Variants in AHRR observed in about 807,000 individuals in gnomAD.
The protein encoded by AHRR is ahR repressor.
Under a neutral mutation model 44.0 loss-of-function variants are expected in AHRR, and 28 were observed. That is an observed-to-expected ratio of 0.64 (90% CI 0.47 to 0.87). The LOEUF is 0.87. AHRR is among the 40% of genes least tolerant of loss of function. The probability of loss-of-function intolerance (pLI) is 0.00; values close to 1 mark genes in which losing one functional copy is unlikely to be tolerated. For synonymous variants in AHRR, 434 were observed against 407.0 expected (o/e 1.07, Z -0.80); for missense variants, 990 against 953.9 (o/e 1.04, Z -0.50).
intron 7 of AHRR, among the ~76,000 whole-genome samples, chr5:426,723 ATAGATGGG>A (rs761906090): frequency 3.9e-4 from 57 of 145,006 alleles, no homozygotes; most frequent in South Asian, 1.1e-3. Context: ...AGATGGACAG[ATAGATGGG>A]TGGATGGATG....
chr5:396,319 C>A (rs529150371), intron 4 of AHRR, among the ~76,000 whole-genome samples: 4 of 152,172 alleles, frequency 2.6e-5, no homozygotes, highest in East Asian at 1.9e-4. Context: ...CCCACACCCC[C>A]CTTTGTCCCT....
In AHRR at chr5:338,700, T is replaced by G. The variant is rs544300289; in HGVS notation, c.-10-5193T>G. The stretch of plus-strand genomic sequence containing the variant: ...CTACAAAAAATACAAAAATAAATAT[T>G]ATTCTACTTATTACTGGTTATGAGC... On this transcript the variant is annotated intron_variant, in intron 1 of 10. Coordinates refer to ENST00000684583, the MANE Select transcript of AHRR (RefSeq NM_001377236.1). This position sits in a 1 kb window ranked among gnomAD's most constrained non-coding sequence, Gnocchi z 4.1. 9.2e-5 allele frequency among the ~76,000 whole-genome samples: 14 copies of G among 152,270 alleles called. No individual in the cohort carries two copies. Among genetic ancestry groups the G allele is most frequent in the Admixed American group, 7.8e-4 (12 of 15,290 alleles).
intron 4 of AHRR, among the ~76,000 whole-genome samples, chr5:389,947 GA>G (rs1284103288): frequency 2.4e-5 from 3 of 124,326 alleles, no homozygotes; most frequent in African/African-American, 6.0e-5. Flanking sequence ...GGAAGGGAGG[GA>G]GGGGGAGGGG....
At chr5:407,963 A>T (rs868414325) in intron 4 of AHRR, among the ~76,000 whole-genome samples, 1 of 152,338 alleles carries the variant, frequency 6.6e-6, no homozygotes, top group African/African-American at 2.4e-5. Context: ...ACCGAATTGC[A>T]TCAATCCATA....
In AHRR at chr5:413,116, A is replaced by G. The variant is rs546383898; in HGVS notation, c.352-228A>G. ...CAAGACAAGGTGCACATAATTTTAT[A>G]TTTATTAGAAAAGGGGCCTTGTAAA... On this transcript the variant is annotated intron_variant, in intron 4 of 10. Transcript: ENST00000684583. Among the ~76,000 whole-genome samples, 8 of 152,284 alleles carry G rather than the reference A, an allele frequency of 5.3e-5. No homozygotes were observed. The South Asian group carries it at 6.2e-4, about 12-fold the overall frequency.
chr5:327,786 A>G (rs1340789793), intron 1 of AHRR, among the ~76,000 whole-genome samples: 1 of 151,962 alleles, frequency 6.6e-6, no homozygotes, highest in Non-Finnish European at 1.5e-5. Context: ...ATTTTATTTT[A>G]TTTTATTATT....
At chr5:372,059 C>T (rs909715211) in intron 3 of AHRR, among the ~76,000 whole-genome samples, 3 of 152,242 alleles carry the variant, frequency 2.0e-5, no homozygotes, top group African/African-American at 7.2e-5. Flanking sequence ...TTACCACCTT[C>T]TCCCCTCACA....
intron 5 of AHRR, among the ~76,000 whole-genome samples, chr5:417,548 TGAG>T (rs1182274544): frequency 6.6e-6 from 1 of 152,236 alleles, no homozygotes; most frequent in Admixed American, 6.5e-5. Flanking sequence ...TGAGCTGCCC[TGAG>T]TTCTCCAGAT....
intron 4 of AHRR, among the ~76,000 whole-genome samples, chr5:410,709 A>G (rs1336595841): frequency 6.6e-6 from 1 of 152,188 alleles, no homozygotes; most frequent in African/African-American, 2.4e-5. Flanking sequence ...TTTGTTTTCA[A>G]TATACCAGTC....
At chr5:380,059 G>A (rs564894273) in intron 4 of AHRR, among the ~76,000 whole-genome samples, 244 of 152,318 alleles carry the variant, frequency 1.6e-3, no homozygotes, top group Non-Finnish European at 2.8e-3. Context: ...TGACTATCCA[G>A]ATGTCTCAGC....
Position 370,625 on chromosome 5 carries a change from G to A in AHRR, c.245-5985G>A, listed in dbSNP as rs910796798. Among the ~76,000 whole-genome samples, 7 of 152,248 alleles carry A rather than the reference G, an allele frequency of 4.6e-5. No individual in the cohort carries two copies. Among genetic ancestry groups the A allele is most frequent in the Middle Eastern group, 3.4e-3 (1 of 294 alleles). ...AAGATGCAGGTGACAGGGGTGGGGT[G>A]GACAGCCCATGGGAAGGTGTGGGTG... is the stretch of plus-strand genomic sequence containing the variant. On this transcript the variant is annotated intron_variant, in intron 3 of 10. Coordinates refer to ENST00000684583, the MANE Select transcript of AHRR (RefSeq NM_001377236.1). This position sits in a 1 kb window ranked among gnomAD's most constrained non-coding sequence, Gnocchi z 4.5.
chr5:422,963 C>G, intron 6 of AHRR, 105 bp downstream of exon 6: 1 of 1,419,510 alleles, frequency 7.0e-7, no homozygotes, highest in East Asian at 2.5e-5. Flanking sequence ...TGTGCTTTGC[C>G]TTACACATTG....
chr5:403,972 A>G (rs1735144967), intron 4 of AHRR: 6 of 1,277,628 alleles, frequency 4.7e-6, no homozygotes, highest in Non-Finnish European at 5.7e-6. Context: ...TGACTCGTCT[A>G]CATTTTCTGC....
intron 3 of AHRR, among the ~76,000 whole-genome samples, chr5:355,383 G>A (rs1381884405): frequency 1.3e-5 from 2 of 152,206 alleles, no homozygotes; most frequent in East Asian, 1.9e-4. Context: ...GGCGCAGTGC[G>A]GCTCAGCAGC....
intron 8 of AHRR, among the ~76,000 whole-genome samples, chr5:431,141 A>G (rs561793603): frequency 6.6e-6 from 1 of 152,290 alleles, no homozygotes; most frequent in South Asian, 2.1e-4. Flanking sequence ...CTGGTGTCAG[A>G]GCAGGGCAGG....
intron 2 of AHRR, among the ~76,000 whole-genome samples, chr5:345,170 C>CTG: frequency 4.5e-5 from 1 of 22,030 alleles, no homozygotes. Flanking sequence ...ATGTCCCTGG[C>CTG]TGTGTGTGGG....
chr5:424,904 G>A (rs1357601321), intron 7 of AHRR, among the ~76,000 whole-genome samples: 1 of 152,188 alleles, frequency 6.6e-6, no homozygotes, highest in Non-Finnish European at 1.5e-5. Flanking sequence ...CCAGAGCCCT[G>A]CCCACCTTGC....
intron 4 of AHRR, among the ~76,000 whole-genome samples, chr5:390,879 G>A (rs1358751574): frequency 2.0e-5 from 3 of 152,174 alleles, no homozygotes; most frequent in South Asian, 2.1e-4. Flanking sequence ...TGGAGTTCAC[G>A]CACACCCGGG....
At chr5:325,015 CA>C (rs1741655683) in intron 1 of AHRR, among the ~76,000 whole-genome samples, 1 of 152,200 alleles carries the variant, frequency 6.6e-6, no homozygotes, top group Admixed American at 6.5e-5. Flanking sequence ...TGGCTTTGCC[CA>C]GGCGTTGCAG....
Sources: gnomAD v4.1 joint callset for allele counts (sites outside exome capture counted in the v4.1 genomes callset) on GRCh38, gnomAD v4.1.1 for gene constraint, Gnocchi (gnomAD v3.1) non-coding constraint, MANE v1.5 for transcripts, NCBI Gene and HGNC (gene_info 2026-07-23, HGNC 2026-07-21) for gene names.